GSE1: variants seen among roughly 807,000 people sequenced by gnomAD.
The protein encoded by GSE1 is Gse1 coiled-coil protein.
A neutral mutation model predicts 112.6 loss-of-function variants in GSE1; 32 were observed. That is an observed-to-expected ratio of 0.28 (90% CI 0.21 to 0.38). The LOEUF is 0.38. Ranked by LOEUF, GSE1 falls within the 10% of genes least tolerant of loss-of-function variation. The pLI, the probability that GSE1 is intolerant of heterozygous loss-of-function variation, is 1.00. For synonymous variants in GSE1, 1,115 were observed against 735.6 expected, an observed-to-expected ratio of 1.52 and a Z score of -8.35; for missense variants, 2,348 against 1,699.2, an observed-to-expected ratio of 1.38 and a Z score of -6.71.
intron 1 of GSE1, among the ~76,000 whole-genome samples, chr16:85,218,860 T>C (rs1167443962): frequency 1.3e-5 from 2 of 152,230 alleles, no homozygotes; most frequent in Non-Finnish European, 2.9e-5. Context: ...GTCCTTCCTA[T>C]GTATTCTGAC....
intron 1 of GSE1, among the ~76,000 whole-genome samples, chr16:85,322,224 C>G (rs538300194): frequency 6.9e-6 from 1 of 144,086 alleles, no homozygotes; most frequent in South Asian, 2.5e-4. Context: ...GGAAACAGAG[C>G]GGCCTCTGCC....
At chr16:85,626,133 T>G (rs1054009382) in intron 1 of GSE1, among the ~76,000 whole-genome samples, 5 of 151,842 alleles carry the variant, frequency 3.3e-5, no homozygotes, top group Non-Finnish European at 5.9e-5. Flanking sequence ...GGGGTGTTTT[T>G]ATTTGGAAAA....
chr16:85,259,715 G>A (rs952960551), intron 1 of GSE1, among the ~76,000 whole-genome samples: 3 of 152,214 alleles, frequency 2.0e-5, no homozygotes, highest in Non-Finnish European at 4.4e-5. Flanking sequence ...CTGTGCCCCT[G>A]CCCGTGTGCC....
chr16:85,587,887 G>C (rs1335786947), intron 1 of GSE1, among the ~76,000 whole-genome samples: 1 of 152,178 alleles, frequency 6.6e-6, no homozygotes, highest in African/African-American at 2.4e-5. Context: ...AAGAGTTAAG[G>C]TTTTGCAGGA....
intron 1 of GSE1, among the ~76,000 whole-genome samples, chr16:85,292,385 G>C (rs2045248224): frequency 1.3e-5 from 2 of 151,112 alleles, no homozygotes; most frequent in African/African-American, 4.9e-5. Flanking sequence ...CTGGAGTGCA[G>C]TGGCGCGATC....
chr16:85,220,752 C>T (rs1303970996), intron 1 of GSE1, among the ~76,000 whole-genome samples: 1 of 152,178 alleles, frequency 6.6e-6, no homozygotes, highest in Non-Finnish European at 1.5e-5. Context: ...TGCCTCTATC[C>T]CTTTCTCTCT....
At chr16:85,385,978 G>A (rs755809554) in intron 2 of GSE1, among the ~76,000 whole-genome samples, 4 of 152,198 alleles carry the variant, frequency 2.6e-5, no homozygotes, top group Non-Finnish European at 5.9e-5. Context: ...GGCAGGGAGC[G>A]AACCCCCATT....
rs114321086 is a variant in GSE1 at position 85,566,703 on chromosome 16, T to C, written c.37+10340T>C. Among the ~76,000 whole-genome samples, 940 of 152,322 alleles carry C rather than the reference T, an allele frequency of 6.2e-3. 8 individuals are homozygous for C. The highest frequency in any genetic ancestry group is 0.022 in the African/African-American group (894 of 41,574). On this transcript the variant is annotated intron_variant, in intron 1 of 2. Transcript: ENST00000635906. ...TCCCCACCTCTTGTCATTCTTGTCC[T>C]GTAATTCATTTAGGATTAGCTTTCA...
chr16:85,316,140 T>C (rs11641290), intron 1 of GSE1, among the ~76,000 whole-genome samples: 18,137 of 152,324 alleles, frequency 0.12, 1,171 homozygotes, highest in Middle Eastern at 0.2. Context: ...ACGAGCTCCC[T>C]GAGTAACTCG....
At chr16:85,630,001 C>G (rs186979742) in intron 1 of GSE1, among the ~76,000 whole-genome samples, 185 of 152,326 alleles carry the variant, frequency 1.2e-3, no homozygotes, top group African/African-American at 4.0e-3. Context: ...TGTGATGAGC[C>G]TACTTGAGAT....
At chr16:85,508,069 G>C (rs542858626) in intron 2 of GSE1, among the ~76,000 whole-genome samples, 1 of 152,142 alleles carries the variant, frequency 6.6e-6, no homozygotes, top group Admixed American at 6.5e-5. Flanking sequence ...GAGTCTTGCT[G>C]TGTCGCTCAG....
chr16:85,277,439 C>G (rs951505803), intron 1 of GSE1, among the ~76,000 whole-genome samples: 1 of 152,154 alleles, frequency 6.6e-6, no homozygotes, highest in Non-Finnish European at 1.5e-5. Flanking sequence ...TGGGGCCTGT[C>G]CCTTGGGCGG....
chr16:85,390,555 C>T (rs1029304164), intron 2 of GSE1, among the ~76,000 whole-genome samples: 1 of 152,166 alleles, frequency 6.6e-6, no homozygotes, highest in African/African-American at 2.4e-5. Context: ...ATAAAGGTGT[C>T]GGGCTTTATG....
exon 1 of GSE1, chr16:85,170,446 C>T (rs2074341189): frequency 5.1e-6 from 5 of 985,464 alleles, no homozygotes; most frequent in South Asian, 9.4e-5. Flanking sequence ...GGAGAGCAGG[C>T]CGCTGGGGGA....
At chr16:85,250,129 C>T (rs1906302328) in intron 1 of GSE1, among the ~76,000 whole-genome samples, 1 of 152,226 alleles carries the variant, frequency 6.6e-6, no homozygotes, top group South Asian at 2.1e-4. Context: ...CTAGTTTCGT[C>T]CACCAACTTG....
At chr16:85,272,572 G>A (rs990032807) in intron 1 of GSE1, among the ~76,000 whole-genome samples, 1 of 152,108 alleles carries the variant, frequency 6.6e-6, no homozygotes, top group African/African-American at 2.4e-5. Flanking sequence ...CAGTGGGAGG[G>A]GTGGAGCCGT....
At chr16:85,400,440 G>A (rs1161936333) in intron 2 of GSE1, among the ~76,000 whole-genome samples, 1 of 151,904 alleles carries the variant, frequency 6.6e-6, no homozygotes, top group Non-Finnish European at 1.5e-5. Flanking sequence ...GTCTCTGCAT[G>A]TGGTTGTATG....
At chr16:85,426,550 A>T (rs2048996409) in intron 2 of GSE1, among the ~76,000 whole-genome samples, 1 of 149,528 alleles carries the variant, frequency 6.7e-6, no homozygotes, top group South Asian at 2.2e-4. Context: ...GGATGATTGA[A>T]TGGTGGATGG....
At chr16:85,670,338 T>G (rs2152016891) in intron 14 of GSE1, among the ~76,000 whole-genome samples, 1 of 152,358 alleles carries the variant, frequency 6.6e-6, no homozygotes, top group Admixed American at 6.5e-5. Context: ...AGCATCCCAT[T>G]AAAGAGTGAA....
Sources: gnomAD v4.1 joint callset for allele counts (sites outside exome capture counted in the v4.1 genomes callset) on GRCh38, gnomAD v4.1.1 for gene constraint, MANE v1.5 for transcripts, NCBI Gene and HGNC (gene_info 2026-07-23, HGNC 2026-07-21) for gene names.